Variants in S100A8 observed in about 807,000 individuals in gnomAD.
S100A8 encodes protein S100-A8.
In S100A8, 1 loss-of-function variant was observed where a neutral mutation model predicts 4.2. The observed-to-expected ratio is 0.24, with a 90% CI of 0.08 to 1.12. S100A8 has a LOEUF of 1.12. Ranked by LOEUF, S100A8 falls within the 50% of genes most tolerant of loss-of-function variation. The probability of loss-of-function intolerance (pLI) is 0.53; values close to 1 mark genes in which losing one functional copy is unlikely to be tolerated. For synonymous variants in S100A8, 41 were observed against 44.7 expected (o/e 0.92, Z 0.33); for missense variants, 96 against 111.8 (o/e 0.86, Z 0.64).
At chr1:153,395,680 A>T (rs187612319), upstream of S100A8, among the ~76,000 whole-genome samples, 6 of 152,282 alleles carry the variant, frequency 3.9e-5, no homozygotes, top group Non-Finnish European at 5.9e-5. Flanking sequence ...AGGATCCCTT[A>T]CCAAAAGGAT....
upstream of S100A8, among the ~76,000 whole-genome samples, chr1:153,394,637 A>G (rs4845346): frequency 0.16 from 24,936 of 152,074 alleles, 2,602 homozygotes; most frequent in African/African-American, 0.3. Flanking sequence ...CTCCCAAGGA[A>G]TGGAGGGCCC....
chr1:153,409,266 T>C, the S100A8 span, among the ~76,000 whole-genome samples: 1 of 151,850 alleles, frequency 6.6e-6, no homozygotes. Context: ...AGGCTCAAAA[T>C]AAAGGGATGA....
the S100A8 span, among the ~76,000 whole-genome samples, chr1:153,399,202 C>T: frequency 3.9e-5 from 6 of 152,354 alleles, no homozygotes; most frequent in Non-Finnish European, 8.8e-5. Flanking sequence ...CCAAGCCCCA[C>T]ATCCCACCCA....
At chr1:153,417,966 A>T in the S100A8 span, 2 of 1,428,696 alleles carry the variant, frequency 1.4e-6, no homozygotes, top group Non-Finnish European at 1.9e-6. Context: ...GCTCCATCTT[A>T]GGGCTGTTTT....
chr1:153,397,505 C>G, the S100A8 span, among the ~76,000 whole-genome samples: 3 of 152,072 alleles, frequency 2.0e-5, no homozygotes, highest in Non-Finnish European at 2.9e-5. Context: ...AGGAAAGAGG[C>G]ATTTGAGGTG....
chr1:153,408,642 C>T, the S100A8 span, among the ~76,000 whole-genome samples: 1 of 152,130 alleles, frequency 6.6e-6, no homozygotes, highest in Non-Finnish European at 1.5e-5. Flanking sequence ...CAAAGATACT[C>T]CTCGAAAAGA....
chr1:153,400,527 T>A, the S100A8 span, among the ~76,000 whole-genome samples: 1 of 152,168 alleles, frequency 6.6e-6, no homozygotes, highest in Non-Finnish European at 1.5e-5. Flanking sequence ...AACCAGAGAC[T>A]CCATCTATGC....
the S100A8 span, chr1:153,419,272 G>A: frequency 3.7e-6 from 6 of 1,614,186 alleles, no homozygotes; most frequent in Non-Finnish European, 5.1e-6. Flanking sequence ...CACAAGCAGA[G>A]CCATGGAGCG....
chr1:153,395,756 A>G (rs1662197808), upstream of S100A8, among the ~76,000 whole-genome samples: 1 of 152,200 alleles, frequency 6.6e-6, no homozygotes, highest in Non-Finnish European at 1.5e-5. Context: ...CACCCATTCA[A>G]GCTGACTTCC....
upstream of S100A8, among the ~76,000 whole-genome samples, chr1:153,392,749 G>T (rs1662131364): frequency 1.3e-5 from 2 of 152,144 alleles, no homozygotes; most frequent in African/African-American, 4.8e-5. Flanking sequence ...GCTGCTTGGG[G>T]TCCCTCTGCA....
the S100A8 span, chr1:153,420,851 C>T: frequency 6.6e-6 from 1 of 152,354 alleles, no homozygotes; most frequent in South Asian, 2.1e-4. Flanking sequence ...CTCCATCATC[C>T]ACCCCAGAAT....
chr1:153,402,731 C>G, the S100A8 span, among the ~76,000 whole-genome samples: 1 of 152,062 alleles, frequency 6.6e-6, no homozygotes, highest in Non-Finnish European at 1.5e-5. Flanking sequence ...AATCCCAGTC[C>G]CAAAGTCCTT....
At chr1:153,415,103 A>T in the S100A8 span, among the ~76,000 whole-genome samples, 2 of 151,524 alleles carry the variant, frequency 1.3e-5, no homozygotes, top group Admixed American at 6.6e-5. Flanking sequence ...AAAAGTCATC[A>T]TTTCATTCTT....
At chr1:153,396,579 C>T in the S100A8 span, 9 of 152,568 alleles carry the variant, frequency 5.9e-5, no homozygotes, top group African/African-American at 2.2e-4. Flanking sequence ...CAGGAGGCTG[C>T]CTGAGCTCCC....
chr1:153,418,150 G>A, the S100A8 span: 52,864 of 1,614,028 alleles, frequency 0.033, 1,137 homozygotes, highest in Non-Finnish European at 0.037. Context: ...TACACCGGAC[G>A]TGATGGCAAG....
the S100A8 span, among the ~76,000 whole-genome samples, chr1:153,400,303 C>T: frequency 2.6e-5 from 4 of 152,130 alleles, no homozygotes; most frequent in African/African-American, 9.7e-5. Context: ...CTGAGAGGGG[C>T]CAGACCTTCA....
the S100A8 span, among the ~76,000 whole-genome samples, chr1:153,412,963 A>G: frequency 1.3e-5 from 2 of 152,210 alleles, no homozygotes; most frequent in Non-Finnish European, 2.9e-5. Context: ...GAAGGGGAAC[A>G]TCACACATCA....
At chr1:153,409,159 T>C in the S100A8 span, among the ~76,000 whole-genome samples, 1 of 152,080 alleles carries the variant, frequency 6.6e-6, no homozygotes, top group South Asian at 2.1e-4. Flanking sequence ...GGCTAAATGC[T>C]CCAATTAAAA....
At chr1:153,390,838 G>T in intron 1 of S100A8, 1 of 491,584 alleles carries the variant, frequency 2.0e-6, no homozygotes. Flanking sequence ...GTCCAGCCTA[G>T]GAGACAATGT....
Sources: allele counts gnomAD v4.1 joint callset (sites outside exome capture counted in the v4.1 genomes callset), GRCh38; gene constraint gnomAD v4.1.1; transcripts MANE v1.5; gene names NCBI Gene and HGNC (gene_info 2026-07-23, HGNC 2026-07-21).